The following L1CAM variants were observed in gnomAD, a reference collection of about 807,000 sequenced individuals.
L1CAM encodes L1 cell adhesion molecule, also known as neural cell adhesion molecule L1.
In L1CAM, 8 loss-of-function variants were observed where a neutral mutation model predicts 93.0. The ratio of observed to expected loss-of-function variants is 0.09; its 90% CI spans 0.05 to 0.16. The LOEUF (loss-of-function observed/expected upper bound fraction) is 0.16. Among genes scored for constraint, L1CAM ranks in the 10% least tolerant of loss-of-function variants. L1CAM has a pLI of 1.00. For missense variants in L1CAM, 777 were observed against 1,073.4 expected (o/e 0.72, Z 3.86); for synonymous variants, 453 against 453.0 (o/e 1.00, Z 0.00).
chrX:153,884,321 G>A, intron 1 of L1CAM: 1 of 885,181 alleles, frequency 1.1e-6, no homozygotes, highest in Non-Finnish European at 1.5e-6. Context: ...CCGCCACCTT[G>A]AAGCGCTGAT....
chrX:153,861,668 T>C lies in L1CAM; in HGVS notation c.*995A>G, dbSNP rs1557088827. On this transcript the variant is annotated 3_prime_UTR_variant, in exon 29 of 29. Transcript: ENST00000370060. ...GAGCAGTGCTGGGAGAACCAATCTT[T>C]CCTTTTTTTTTGTCTGTTTTTATTT... The C allele has an allele frequency of 9.0e-6, 1 of 110,860 alleles. No individual in the cohort carries two copies. The highest frequency in any genetic ancestry group is 3.3e-5 in the African/African-American group (1 of 30,478). 9.1% of individuals were successfully genotyped at this position (110,860 alleles called of 1,213,427 possible).
chrX:153,883,790 G>C (rs963505727), intron 1 of L1CAM: 5 of 341,785 alleles, frequency 1.5e-5, no homozygotes, highest in African/African-American at 1.3e-4. Flanking sequence ...TCCCATGAAC[G>C]TGCCCTCCTG....
Position 153,872,703 on chromosome X carries a change from G to A in L1CAM, c.92-6C>T. 1 of 1,187,457 alleles carries A rather than the reference G, an allele frequency of 8.4e-7. No homozygotes were observed. Among genetic ancestry groups the A allele is most frequent in the Non-Finnish European group, 1.1e-6 (1 of 873,366 alleles). On this transcript the variant is annotated splice_polypyrimidine_tract_variant and splice_region_variant and intron_variant, in intron 3 of 28. Transcript: ENST00000370060. ...GATGACAGGTGGCTCCATCACTGAA[G>A]ACAGGGTGGAGAGAGCGGTGGTGAG... is the stretch of plus-strand genomic sequence containing the variant.
chrX:153,885,113 C>A (rs910657628), intron 1 of L1CAM, among the ~76,000 whole-genome samples: 5 of 112,864 alleles, frequency 4.4e-5, no homozygotes, highest in African/African-American at 1.6e-4. Flanking sequence ...CCCTGCCAAC[C>A]AAGAGGCCCC....
Position 153,868,064 on chromosome X carries a change from T to G in L1CAM, c.1762A>C (p.Asn588His), listed in dbSNP as rs781802134. The G allele has an allele frequency of 5.0e-6, 6 of 1,208,293 alleles. No individual in the cohort carries two copies. The African/African-American group carries it at 1.1e-4, about 21-fold the overall frequency. ...TCGGTACTGGCCACGCAGCTGTAGT[T>G]GCCCTGGTCGCTGTAGTCCAGGCTG... ...IHSLDYSDQG[N>H]YSCVASTELD... The change falls in exon 15 of 29, where the codon AAC becomes CAC. Residue 588 changes from asparagine to histidine, a missense_variant. By Grantham distance (68) the Asn-to-His change is moderately conservative. This residue lies in a region of L1CAM where 574 missense variants were observed against 781.0 expected (regional missense o/e 0.73). Coordinates refer to ENST00000370060, the MANE Select transcript of L1CAM (RefSeq NM_001278116.2).
intron 1 of L1CAM, chrX:153,884,164 G>T (rs1325130305): frequency 1.6e-5 from 15 of 946,640 alleles, no homozygotes; most frequent in Non-Finnish European, 2.1e-5. Flanking sequence ...TGCTGGTCCA[G>T]TTTGTCACTG....
At position 153,865,738 on chromosome X, in the gene L1CAM, A is replaced by G; in HGVS notation, c.2513T>C (p.Leu838Pro). 1 of 1,209,792 alleles carries G rather than the reference A, an allele frequency of 8.3e-7. No homozygotes were observed. Among genetic ancestry groups the G allele is most frequent in the South Asian group, 1.8e-5 (1 of 56,971 alleles). Reference sequence around the variant, plus strand: ...GCGGAGGTGGCCCTTGACCTGGGCCAGGTCCACCGGCCGCCACTTGACCAG... The same window carrying G: ...GCGGAGGTGGCCCTTGACCTGGGCCGGGTCCACCGGCCGCCACTTGACCAG... The part of the protein sequence containing the change: ...AVLVKWRPVD[L>P]AQVKGHLRGY... Residue 838 changes from leucine to proline, a missense_variant, in exon 20 of 29, where the codon CTG (leucine) becomes CCG (proline). Leu to Pro is a moderately conservative substitution (Grantham distance 98). Coordinates refer to ENST00000370060, the MANE Select transcript of L1CAM (RefSeq NM_001278116.2).
At position 153,885,329 on chromosome X, in the gene L1CAM, C is replaced by A. The variant is rs1557096674; in HGVS notation, c.-109+736G>T. 5.3e-6 allele frequency: 5 copies of A among 944,198 alleles called. No homozygotes were observed. In the Middle Eastern group the frequency reaches 1.2e-3, roughly 230 times the overall value. The allele number at this position is 944,198 out of a possible 1,213,427, so 77.8% of individuals were successfully genotyped here. On this transcript the variant is annotated intron_variant, in intron 1 of 28. Transcript: ENST00000370060. ...GAGGCACAGCAGTGGGTGCCCGAAC[C>A]GACCTCACCCACTCCAGCCCTGACT...
rs373051471 is a variant in L1CAM, at chrX:153,867,861, C to T, written c.1878G>A (p.Leu626=). 1.7e-6 allele frequency: 2 copies of T among 1,208,923 alleles called. No individual in the cohort carries two copies. The highest frequency in any genetic ancestry group is 1.8e-5 in the South Asian group (1 of 56,766). ...AGGACACGCGCACCTGGCTCTGCGT[C>T]AGCAGGTGCAGGTCGGACAGCACCA... ...PRLVLSDLHL[L]TQSQVRVSWS... Residue 626 remains leucine (L), a synonymous_variant, in exon 16 of 29, where the codon CTG becomes CTA. Transcript: ENST00000370060.
At chrX:153,870,001 C>T in intron 9 of L1CAM, 55 bp downstream of exon 9, 1 of 1,209,319 alleles carries the variant, frequency 8.3e-7, no homozygotes, top group Non-Finnish European at 1.1e-6. Flanking sequence ...GGCGCAGACC[C>T]TCCCCTCCCC....
chrX:153,875,737 C>T (rs1209374594), intron 2 of L1CAM, 24 bp downstream of exon 2: 5 of 1,187,427 alleles, frequency 4.2e-6, no homozygotes, highest in East Asian at 3.0e-5. Context: ...AAGGTAGGCG[C>T]CCAGGCTCCC....
Position 153,875,875 on chromosome X carries a change from C to A in L1CAM, c.-39G>T, listed in dbSNP as rs781994133. ...ACCGCGCAGCACAGCCAGCCGGGCT[C>A]GGTTCAGGCTCCGGCCGGAGGGGAA... On this transcript the variant is annotated 5_prime_UTR_variant, in exon 2 of 29. Transcript: ENST00000370060. 9.7e-7 allele frequency: 1 copy of A among 1,026,806 alleles called. No homozygotes were observed. The highest frequency in any genetic ancestry group is 2.5e-5 in the Admixed American group (1 of 40,253). 84.6% of individuals were successfully genotyped at this position (1,026,806 alleles called of 1,213,427 possible).
intron 16 of L1CAM, 48 bp downstream of exon 16, chrX:153,867,752 G>A (rs2064727453): frequency 8.9e-7 from 1 of 1,127,065 alleles, no homozygotes; most frequent in African/African-American, 1.8e-5. Flanking sequence ...GGAGGGGCCA[G>A]GGCTGGCAGA....
At chrX:153,878,693 A>C (rs1222123842) in intron 1 of L1CAM, among the ~76,000 whole-genome samples, 1 of 111,730 alleles carries the variant, frequency 9.0e-6, no homozygotes, top group Non-Finnish European at 1.9e-5. Flanking sequence ...AGCTCAAAGA[A>C]GGACCCTCCT....
chrX:153,864,803 G>T lies in L1CAM; in HGVS notation c.3046+18C>A, dbSNP rs1294352311. 1.7e-6 allele frequency: 2 copies of T among 1,210,786 alleles called. No individual in the cohort carries two copies. The highest frequency in any genetic ancestry group is 2.2e-6 in the Non-Finnish European group (2 of 895,166). ...CTGGCCGGGGCCTCCCTGTTGGCAG[G>T]TCATTCCTCCAGCTTACCAGACAAG... On this transcript the variant is annotated intron_variant, in intron 23 of 28. Transcript: ENST00000370060.
Position 153,862,619 on chromosome X carries a change from G to T in L1CAM, c.*44C>A, listed in dbSNP as rs1446314031. ...GGGCCTGCTGGAGAGGGAGGGGCCT[G>T]GATCCCAAGGCCAGGGGCACAGCAT... On this transcript the variant is annotated 3_prime_UTR_variant, in exon 29 of 29. Transcript: ENST00000370060. 9.4e-7 allele frequency: 1 copy of T among 1,068,323 alleles called. No homozygotes were observed. Among genetic ancestry groups the T allele is most frequent in the Non-Finnish European group, 1.3e-6 (1 of 776,007 alleles). 88.0% of individuals were successfully genotyped at this position (1,068,323 alleles called of 1,213,427 possible).
intron 5 of L1CAM, 51 bp downstream of exon 5, chrX:153,872,101 C>A (rs782801762): frequency 9.3e-7 from 1 of 1,073,853 alleles, no homozygotes; most frequent in Admixed American, 2.2e-5. Context: ...AGCCCACAAT[C>A]CCACACGAAC....
In L1CAM at chrX:153,865,228, G is replaced by A. The variant is rs1420511951; in HGVS notation, c.2750-18C>T. On this transcript the variant is annotated intron_variant, in intron 21 of 28. Transcript: ENST00000370060. ...GCCAGGCACTGCAGGGCACAGAACC[G>A]AGTGGCAGGTAGGTCCTCGCCCAGG... The A allele has an allele frequency of 1.3e-5, 16 of 1,207,629 alleles. No homozygotes were observed. Among genetic ancestry groups the A allele is most frequent in the African/African-American group, 3.5e-5 (2 of 57,866 alleles).
intron 23 of L1CAM, 38 bp downstream of exon 23, chrX:153,864,783 C>T (rs782319349): frequency 8.3e-6 from 10 of 1,210,426 alleles, no homozygotes; most frequent in East Asian, 5.9e-5. Flanking sequence ...CCCGGCTGGC[C>T]GGGGCCTCCC....
Sources: gnomAD v4.1 joint callset for allele counts (sites outside exome capture counted in the v4.1 genomes callset) on GRCh38, gnomAD v4.1.1 for gene constraint, gnomAD v4.1.1 regional missense constraint, MANE v1.5 for transcripts, NCBI Gene and HGNC (gene_info 2026-07-23, HGNC 2026-07-21) for gene names.